Variants in GSG1L observed in about 807,000 individuals in gnomAD.
GSG1L encodes the protein GSG1 like.
In GSG1L, 24 loss-of-function variants were observed where a neutral mutation model predicts 42.1. The observed-to-expected ratio is 0.57, with a 90% CI of 0.41 to 0.80. The LOEUF is 0.80. GSG1L is among the 30% of genes least tolerant of loss of function. The probability of loss-of-function intolerance (pLI) is 0.00; values close to 1 mark genes in which losing one functional copy is unlikely to be tolerated. For missense variants in GSG1L, 445 were observed against 472.2 expected, an observed-to-expected ratio of 0.94 and a Z score of 0.53; for synonymous variants, 215 against 203.5, an observed-to-expected ratio of 1.06 and a Z score of -0.48.
At chr16:27,973,611 CA>C (rs2085218605) in intron 1 of GSG1L, among the ~76,000 whole-genome samples, 2 of 152,070 alleles carry the variant, frequency 1.3e-5, no homozygotes, top group African/African-American at 4.8e-5. Flanking sequence ...AGCACATGGC[CA>C]GGGGGTCACG....
At chr16:28,005,857 C>T (rs1253636429) in intron 1 of GSG1L, among the ~76,000 whole-genome samples, 5 of 152,332 alleles carry the variant, frequency 3.3e-5, no homozygotes, top group African/African-American at 4.8e-5. Context: ...CCCCCTAAAA[C>T]GTCCACGCTT....
chr16:27,866,716 C>G (rs2083730780), intron 3 of GSG1L, among the ~76,000 whole-genome samples: 1 of 152,168 alleles, frequency 6.6e-6, no homozygotes, highest in Non-Finnish European at 1.5e-5. Flanking sequence ...GGACTACAGA[C>G]TTGCACCACC....
intron 3 of GSG1L, among the ~76,000 whole-genome samples, chr16:27,856,162 C>T (rs1328976684): frequency 2.0e-5 from 3 of 152,108 alleles, no homozygotes; most frequent in Admixed American, 2.0e-4. Context: ...TGTGCACCCC[C>T]CCCCATCCCC....
rs547068806 is a variant in GSG1L, at chr16:27,874,696, G to A, written c.550+9790C>T. Reference sequence around the variant, plus strand: ...GATTCCACAAAGAGACAGCATGGGAGCTCTGCATTGAGACCCTTGCCAACC... The same window carrying A: ...GATTCCACAAAGAGACAGCATGGGAACTCTGCATTGAGACCCTTGCCAACC... On this transcript the variant is annotated intron_variant, in intron 3 of 6. Transcript: ENST00000447459. 4.6e-5 allele frequency among the ~76,000 whole-genome samples: 7 copies of A among 152,084 alleles called. No individual in the cohort carries two copies. The South Asian group carries it at 1.5e-3, about 32-fold the overall frequency.
At chr16:27,929,383 G>A (rs978040920) in intron 2 of GSG1L, among the ~76,000 whole-genome samples, 6 of 152,156 alleles carry the variant, frequency 3.9e-5, no homozygotes, top group Admixed American at 3.9e-4. Flanking sequence ...CCTAAAGACA[G>A]TGGTTGATTC....
At chr16:27,945,076 CAAAAAAAAAA>C (rs34265192) in intron 2 of GSG1L, among the ~76,000 whole-genome samples, 12 of 87,328 alleles carry the variant, frequency 1.4e-4, no homozygotes, top group African/African-American at 4.8e-4. Flanking sequence ...GACCCTGTCT[CAAAAAAAAAA>C]AAAAAAAAAA....
intron 1 of GSG1L, among the ~76,000 whole-genome samples, chr16:27,997,406 G>A (rs1225856136): frequency 5.4e-5 from 7 of 129,306 alleles, no homozygotes; most frequent in Admixed American, 1.0e-4. Context: ...TGCAACCTCT[G>A]CTCCCTGGAT....
At chr16:27,982,984 T>C (rs926830387) in intron 1 of GSG1L, among the ~76,000 whole-genome samples, 3 of 151,756 alleles carry the variant, frequency 2.0e-5, no homozygotes, top group African/African-American at 7.3e-5. Flanking sequence ...CTATGTAGAG[T>C]AGAACTGCCA....
chr16:27,980,719 C>T (rs1298645016), intron 1 of GSG1L, among the ~76,000 whole-genome samples: 2 of 151,872 alleles, frequency 1.3e-5, no homozygotes, highest in East Asian at 1.9e-4. Flanking sequence ...CCTGACTCTA[C>T]TAAAAATACA....
rs2086192106 is a variant in GSG1L at position 28,048,785 on chromosome 16, T to C, written c.349+14291A>G. ...AAATGCATTCATAATTTTTTAACTA[T>C]GAAAAAACAAAGTTTTCAATGTAAA... is the stretch of plus-strand genomic sequence containing the variant. On this transcript the variant is annotated intron_variant, in intron 1 of 6. Coordinates refer to ENST00000447459, the MANE Select transcript of GSG1L (RefSeq NM_001109763.2). 2.0e-5 allele frequency among the ~76,000 whole-genome samples: 3 copies of C among 152,038 alleles called. No individual in the cohort carries two copies. The South Asian group carries it at 6.2e-4, about 31-fold the overall frequency.
chr16:27,981,430 GA>G (rs969294780), intron 1 of GSG1L, among the ~76,000 whole-genome samples: 3 of 152,216 alleles, frequency 2.0e-5, no homozygotes, highest in Non-Finnish European at 2.9e-5. Context: ...TCAGCTGGGG[GA>G]AAAAAATGCC....
At chr16:27,826,763 C>A (rs1027431375) in intron 5 of GSG1L, among the ~76,000 whole-genome samples, 1 of 152,178 alleles carries the variant, frequency 6.6e-6, no homozygotes. Context: ...GTAAGCCCCA[C>A]GTGTTGGGCA....
At chr16:28,028,747 C>G (rs1261857512) in intron 1 of GSG1L, among the ~76,000 whole-genome samples, 11 of 152,180 alleles carry the variant, frequency 7.2e-5, no homozygotes, top group Non-Finnish European at 5.9e-5. Context: ...AGAGAGCCAG[C>G]CTCAGGCTCG....
chr16:27,983,146 A>G (rs1276976656), intron 1 of GSG1L, among the ~76,000 whole-genome samples: 4 of 152,012 alleles, frequency 2.6e-5, no homozygotes, highest in African/African-American at 7.2e-5. Context: ...ACCAGCTGGG[A>G]CAACATGTTG....
intron 2 of GSG1L, among the ~76,000 whole-genome samples, chr16:27,916,044 A>G (rs2032196796): frequency 6.6e-6 from 1 of 152,170 alleles, no homozygotes; most frequent in Non-Finnish European, 1.5e-5. Context: ...TTCTGCAGAA[A>G]CATGCCCTTG....
intron 1 of GSG1L, among the ~76,000 whole-genome samples, chr16:27,985,172 G>A (rs1341853507): frequency 6.6e-6 from 1 of 152,132 alleles, no homozygotes; most frequent in Non-Finnish European, 1.5e-5. Flanking sequence ...CTGTGCCCCT[G>A]AGACCCTGAT....
intron 1 of GSG1L, among the ~76,000 whole-genome samples, chr16:28,014,654 A>ATTTTTT (rs3033619): frequency 1.4e-5 from 1 of 73,452 alleles, no homozygotes; most frequent in Non-Finnish European, 2.6e-5. Flanking sequence ...CAGGCACGCT[A>ATTTTTT]TTTTTTTTTT....
chr16:27,859,567 G>A (rs188149445), intron 3 of GSG1L, among the ~76,000 whole-genome samples: 82 of 152,376 alleles, frequency 5.4e-4, no homozygotes, highest in African/African-American at 1.8e-3. Context: ...AGACATCACT[G>A]TCTTTGCTCC....
intron 1 of GSG1L, among the ~76,000 whole-genome samples, chr16:28,006,192 C>A (rs2085635946): frequency 6.6e-6 from 1 of 152,204 alleles, no homozygotes. Flanking sequence ...TCTGTCCTAC[C>A]ATCTGTAGGA....
Sources: gnomAD v4.1 joint callset for allele counts (sites outside exome capture counted in the v4.1 genomes callset) on GRCh38, gnomAD v4.1.1 for gene constraint, MANE v1.5 for transcripts, NCBI Gene and HGNC (gene_info 2026-07-23, HGNC 2026-07-21) for gene names.